The following ZNF892 variants were observed in gnomAD, a reference collection of about 807,000 sequenced individuals.
The protein encoded by ZNF892 is zinc finger protein 570-like.
the ZNF892 span, chr2:95,207,971 T>C: frequency 2.5e-6 from 1 of 397,010 alleles, no homozygotes; most frequent in Non-Finnish European, 4.4e-6. Flanking sequence ...ACTTGGGGTT[T>C]TGAGGGATAG....
At chr2:95,230,189 A>G in the ZNF892 span, among the ~76,000 whole-genome samples, 1 of 152,166 alleles carries the variant, frequency 6.6e-6, no homozygotes, top group Admixed American at 6.5e-5. Context: ...AGACATAAGA[A>G]TGATATAATG....
At chr2:95,225,096 G>C in the ZNF892 span, among the ~76,000 whole-genome samples, 2 of 152,144 alleles carry the variant, frequency 1.3e-5, no homozygotes, top group Admixed American at 1.3e-4. Context: ...CTAAGACATG[G>C]TCTTTGTGAT....
At chr2:95,236,921 T>G in the ZNF892 span, among the ~76,000 whole-genome samples, 1 of 152,224 alleles carries the variant, frequency 6.6e-6, no homozygotes, top group Non-Finnish European at 1.5e-5. Context: ...GAATTTCACA[T>G]ACAGGCATAT....
At chr2:95,230,644 C>T in the ZNF892 span, among the ~76,000 whole-genome samples, 1 of 152,188 alleles carries the variant, frequency 6.6e-6, no homozygotes, top group African/African-American at 2.4e-5. Flanking sequence ...GCTCCTCCGT[C>T]GCCGCCTCTG....
the ZNF892 span, among the ~76,000 whole-genome samples, chr2:95,253,583 A>G: frequency 9.9e-5 from 15 of 152,274 alleles, no homozygotes; most frequent in East Asian, 2.9e-3. Context: ...TTTTGGTTCC[A>G]TATGCACTTT....
At chr2:95,232,379 T>C in the ZNF892 span, among the ~76,000 whole-genome samples, 1 of 152,346 alleles carries the variant, frequency 6.6e-6, no homozygotes, top group Non-Finnish European at 1.5e-5. Context: ...CCAAGGGGCA[T>C]TGTGACATTC....
the ZNF892 span, among the ~76,000 whole-genome samples, chr2:95,244,971 A>C: frequency 2.0e-5 from 3 of 152,214 alleles, no homozygotes; most frequent in African/African-American, 7.2e-5. Flanking sequence ...GGCAGAAATC[A>C]AGAAGTTCTT....
At chr2:95,256,437 A>G in the ZNF892 span, among the ~76,000 whole-genome samples, 1 of 152,172 alleles carries the variant, frequency 6.6e-6, no homozygotes, top group Middle Eastern at 3.2e-3. Flanking sequence ...CTGCCGAGAG[A>G]TCAGCTCTTA....
the ZNF892 span, among the ~76,000 whole-genome samples, chr2:95,262,158 TA>T: frequency 6.6e-6 from 1 of 152,112 alleles, no homozygotes; most frequent in African/African-American, 2.4e-5. Context: ...ACTAGGAGAG[TA>T]AAACTTAAAT....
the ZNF892 span, among the ~76,000 whole-genome samples, chr2:95,251,682 A>G: frequency 1.3e-5 from 2 of 152,286 alleles, no homozygotes; most frequent in Non-Finnish European, 2.9e-5. Context: ...TGCTAGCCAC[A>G]GGCTGGCGCC....
chr2:95,210,103 A>G, the ZNF892 span, among the ~76,000 whole-genome samples: 3 of 150,202 alleles, frequency 2.0e-5, no homozygotes, highest in African/African-American at 4.9e-5. Flanking sequence ...ATATGTGTGT[A>G]TATGTGTGTA....
chr2:95,225,485 A>T, the ZNF892 span, among the ~76,000 whole-genome samples: 1 of 152,200 alleles, frequency 6.6e-6, no homozygotes, highest in Non-Finnish European at 1.5e-5. Flanking sequence ...CGCTTTTGTA[A>T]TGGCACCAGT....
the ZNF892 span, among the ~76,000 whole-genome samples, chr2:95,250,858 C>A: frequency 6.9e-6 from 1 of 145,018 alleles, no homozygotes; most frequent in Admixed American, 6.9e-5. Flanking sequence ...GTAATAAATG[C>A]TTAAATAATA....
the ZNF892 span, among the ~76,000 whole-genome samples, chr2:95,230,908 G>C: frequency 6.6e-5 from 10 of 152,352 alleles, no homozygotes; most frequent in Middle Eastern, 3.4e-3. Context: ...GTGTCTGTGA[G>C]TGCTTCTTAG....
At chr2:95,239,467 A>G in the ZNF892 span, among the ~76,000 whole-genome samples, 1 of 152,244 alleles carries the variant, frequency 6.6e-6, no homozygotes, top group Non-Finnish European at 1.5e-5. Context: ...GAAAGAGCCA[A>G]TTGATGTGGC....
the ZNF892 span, among the ~76,000 whole-genome samples, chr2:95,261,719 C>A: frequency 6.6e-6 from 1 of 152,120 alleles, no homozygotes; most frequent in African/African-American, 2.4e-5. Context: ...CTGAGGTCTT[C>A]GATAGAGGAA....
chr2:95,256,870 A>G, the ZNF892 span, among the ~76,000 whole-genome samples: 1 of 152,058 alleles, frequency 6.6e-6, no homozygotes, highest in East Asian at 1.9e-4. Context: ...GGAATTGGCT[A>G]CTGAGGCTTG....
At chr2:95,261,179 A>G in the ZNF892 span, among the ~76,000 whole-genome samples, 1 of 152,136 alleles carries the variant, frequency 6.6e-6, no homozygotes, top group Non-Finnish European at 1.5e-5. Flanking sequence ...GCCCAGAGAG[A>G]TTCCCCACCA....
the ZNF892 span, among the ~76,000 whole-genome samples, chr2:95,247,469 T>C: frequency 2.6e-5 from 4 of 151,944 alleles, no homozygotes; most frequent in African/African-American, 9.7e-5. Flanking sequence ...ATGATTAAGT[T>C]CTTAAAAGCA....
Sources: gnomAD v4.1 joint callset for allele counts (sites outside exome capture counted in the v4.1 genomes callset) on GRCh38, gnomAD v4.1.1 for gene constraint, MANE v1.5 for transcripts, NCBI Gene and HGNC (gene_info 2026-07-23, HGNC 2026-07-21) for gene names.